LRRC4C: variants seen among roughly 807,000 people sequenced by gnomAD.
LRRC4C encodes leucine-rich repeat-containing protein 4C.
Under a neutral mutation model 33.6 loss-of-function variants are expected in LRRC4C, and 5 were observed. The observed-to-expected ratio is 0.15, with a 90% CI of 0.08 to 0.31. LRRC4C has a LOEUF of 0.31. LRRC4C is among the 10% of genes least tolerant of loss of function. The probability of loss-of-function intolerance (pLI) is 1.00; values close to 1 mark genes in which losing one functional copy is unlikely to be tolerated. For missense variants in LRRC4C, 560 were observed against 796.7 expected (o/e 0.70, Z 3.58); for synonymous variants, 329 against 302.0 (o/e 1.09, Z -0.93).
chr11:41,102,116 T>C (rs78750760), intron 1 of LRRC4C, among the ~76,000 whole-genome samples: 3,084 of 152,082 alleles, frequency 0.02, 111 homozygotes, highest in African/African-American at 0.071. Context: ...AACCCGTACA[T>C]GTACCCCTGA....
chr11:40,154,996 T>C (rs1279756844), intron 5 of LRRC4C, among the ~76,000 whole-genome samples: 1 of 152,118 alleles, frequency 6.6e-6, no homozygotes, highest in Non-Finnish European at 1.5e-5. Context: ...TGAAATTATA[T>C]CAAGCACTCT....
intron 2 of LRRC4C, among the ~76,000 whole-genome samples, chr11:40,798,048 T>A (rs1430586345): frequency 1.3e-5 from 2 of 152,204 alleles, no homozygotes; most frequent in African/African-American, 4.8e-5. Flanking sequence ...GTCTATAATC[T>A]GTACTGGCAG....
chr11:41,353,822 C>T (rs1341609523), intron 1 of LRRC4C, among the ~76,000 whole-genome samples: 4 of 152,022 alleles, frequency 2.6e-5, no homozygotes, highest in African/African-American at 4.8e-5. Context: ...TTCAACATCC[C>T]TTCATGTTAA....
chr11:41,293,410 A>G (rs141984746), intron 1 of LRRC4C, among the ~76,000 whole-genome samples: 75 of 152,226 alleles, frequency 4.9e-4, no homozygotes, highest in African/African-American at 1.8e-3. Context: ...AGAAAAACGT[A>G]TATAGAACTA....
At chr11:41,203,877 TGGG>T (rs1946495164) in intron 1 of LRRC4C, among the ~76,000 whole-genome samples, 1 of 152,208 alleles carries the variant, frequency 6.6e-6, no homozygotes, top group Non-Finnish European at 1.5e-5. Context: ...AGACAGCCTA[TGGG>T]AGCCTGTCTT....
chr11:40,210,880 C>T (rs1863551356), intron 5 of LRRC4C, among the ~76,000 whole-genome samples: 1 of 152,204 alleles, frequency 6.6e-6, no homozygotes, highest in South Asian at 2.1e-4. Context: ...TCAAGTGATT[C>T]TCCTGCCTCA....
At chr11:40,230,829 C>A (rs1274629666) in intron 5 of LRRC4C, among the ~76,000 whole-genome samples, 1 of 152,106 alleles carries the variant, frequency 6.6e-6, no homozygotes, top group African/African-American at 2.4e-5. Flanking sequence ...AGTTTCTAGT[C>A]TTCTCTATTT....
chr11:41,124,537 A>G lies in LRRC4C; in HGVS notation c.-495-190814T>C, dbSNP rs375255433. 3.5e-4 allele frequency among the ~76,000 whole-genome samples: 53 copies of G among 152,198 alleles called. 1 individual carries two copies. Among genetic ancestry groups the G allele is most frequent in the African/African-American group, 1.2e-3 (50 of 41,510 alleles). On this transcript the variant is annotated intron_variant, in intron 1 of 6. Coordinates refer to ENST00000528697, the MANE Select transcript of LRRC4C (RefSeq NM_001258419.2). ...TACAGGCCTAGAAGTAAAAATTCCT[A>G]TATAACAAACTCTTCTGCTCTCAGA...
chr11:40,998,665 C>T (rs7941735), intron 1 of LRRC4C, among the ~76,000 whole-genome samples: 53,750 of 151,960 alleles, frequency 0.35, 11,320 homozygotes, highest in East Asian at 0.52. Context: ...GACACGCATT[C>T]AAATTCTATC....
At chr11:40,743,470 G>A (rs1015574520) in intron 2 of LRRC4C, among the ~76,000 whole-genome samples, 6 of 152,056 alleles carry the variant, frequency 3.9e-5, no homozygotes, top group African/African-American at 7.2e-5. Flanking sequence ...TTCTGAAAAC[G>A]TAGGGGAAAA....
At chr11:41,050,959 T>C (rs1173626129) in intron 1 of LRRC4C, among the ~76,000 whole-genome samples, 1 of 152,174 alleles carries the variant, frequency 6.6e-6, no homozygotes, top group African/African-American at 2.4e-5. Flanking sequence ...ACAATGTCTT[T>C]CAGAGTGTGA....
At chr11:40,291,686 C>A (rs1944201692) in intron 4 of LRRC4C, among the ~76,000 whole-genome samples, 1 of 152,198 alleles carries the variant, frequency 6.6e-6, no homozygotes, top group Non-Finnish European at 1.5e-5. Context: ...CCCTTTCTCC[C>A]TCCACCCACG....
intron 1 of LRRC4C, among the ~76,000 whole-genome samples, chr11:41,005,031 TAGTC>T (rs1375982061): frequency 6.6e-6 from 1 of 152,068 alleles, no homozygotes; most frequent in Non-Finnish European, 1.5e-5. Context: ...CAGGATTCTA[TAGTC>T]AGTCAGATAA....
intron 2 of LRRC4C, among the ~76,000 whole-genome samples, chr11:40,727,263 C>A (rs1050871535): frequency 1.3e-5 from 2 of 152,104 alleles, no homozygotes; most frequent in African/African-American, 2.4e-5. Flanking sequence ...AATAAAGCCA[C>A]ATACCTACAA....
chr11:40,694,411 G>T lies in LRRC4C; in HGVS notation c.-406-46133C>A, dbSNP rs373469008. ...CACATTTTCATCACTTTCTTTTATT[G>T]AGTTTTATAAAATAAATGATTTGAG... is the stretch of plus-strand genomic sequence containing the variant. On this transcript the variant is annotated intron_variant, in intron 2 of 6. Coordinates refer to ENST00000528697, the MANE Select transcript of LRRC4C (RefSeq NM_001258419.2). Among the ~76,000 whole-genome samples, 4 of 152,006 alleles carry T rather than the reference G, an allele frequency of 2.6e-5. No homozygotes were observed. In the East Asian group the frequency reaches 7.7e-4, roughly 29 times the overall value.
chr11:41,062,797 A>T (rs1484864685), intron 1 of LRRC4C, among the ~76,000 whole-genome samples: 2 of 152,236 alleles, frequency 1.3e-5, no homozygotes, highest in African/African-American at 4.8e-5. Context: ...TGACATCCTT[A>T]AAAGAAGACA....
chr11:40,277,002 T>G (rs1004357409), intron 4 of LRRC4C, among the ~76,000 whole-genome samples: 1 of 152,038 alleles, frequency 6.6e-6, no homozygotes, highest in Non-Finnish European at 1.5e-5. Context: ...CCATGTACCA[T>G]CCTGGTAGGA....
At chr11:40,946,329 A>G (rs1472020959) in intron 1 of LRRC4C, among the ~76,000 whole-genome samples, 1 of 152,076 alleles carries the variant, frequency 6.6e-6, no homozygotes, top group East Asian at 1.9e-4. Flanking sequence ...TCTTTATTCA[A>G]TCCACCACTG....
intron 6 of LRRC4C, among the ~76,000 whole-genome samples, chr11:40,139,819 G>C (rs961707368): frequency 5.3e-5 from 8 of 152,174 alleles, no homozygotes; most frequent in African/African-American, 1.9e-4. Context: ...ATTAGCTTTT[G>C]CCTTCCAAAA....
Sources: gnomAD v4.1 joint callset for allele counts (sites outside exome capture counted in the v4.1 genomes callset) on GRCh38, gnomAD v4.1.1 for gene constraint, MANE v1.5 for transcripts, NCBI Gene and HGNC (gene_info 2026-07-23, HGNC 2026-07-21) for gene names.